The following SIPA1L3 variants were observed in gnomAD, a reference collection of about 807,000 sequenced individuals.
SIPA1L3 encodes signal induced proliferation associated 1 like 3.
A neutral mutation model predicts 150.1 loss-of-function variants in SIPA1L3; 59 were observed. The ratio of observed to expected loss-of-function variants is 0.39; its 90% CI spans 0.32 to 0.49. SIPA1L3 has a LOEUF of 0.49. Ranked by LOEUF, SIPA1L3 falls within the 20% of genes least tolerant of loss-of-function variation. SIPA1L3 has a pLI of 0.86. For synonymous variants in SIPA1L3, 1,070 were observed against 1,077.6 expected, an observed-to-expected ratio of 0.99 and a Z score of 0.14; for missense variants, 2,211 against 2,489.5, an observed-to-expected ratio of 0.89 and a Z score of 2.38.
At chr19:38,027,409 C>A (rs963049019) in intron 1 of SIPA1L3, among the ~76,000 whole-genome samples, 3 of 152,162 alleles carry the variant, frequency 2.0e-5, no homozygotes, top group African/African-American at 4.8e-5. Context: ...GGGGAATGAT[C>A]ATTGAAGTTG....
rs920914224 is a variant in SIPA1L3 at position 38,001,674 on chromosome 19, C to T, written c.-378-27415C>T. Among the ~76,000 whole-genome samples the T allele has an allele frequency of 7.9e-5, 12 of 152,186 alleles. No individual in the cohort carries two copies. The South Asian group carries it at 1.0e-3, about 13-fold the overall frequency. On this transcript the variant is annotated intron_variant, in intron 1 of 21. Transcript: ENST00000222345. The stretch of plus-strand genomic sequence containing the variant: ...ATTCCTGGGCTCAAAGCAATCCTGC[C>T]GCCTTGGCCTCCCCAAGTGCTGGGA...
At chr19:37,920,729 A>G (rs1483550547) in intron 1 of SIPA1L3, among the ~76,000 whole-genome samples, 2 of 152,010 alleles carry the variant, frequency 1.3e-5, no homozygotes. Context: ...TTTTGTCTCT[A>G]TTATATGAGC....
chr19:37,957,350 A>G (rs1284505699), intron 1 of SIPA1L3, among the ~76,000 whole-genome samples: 2 of 152,224 alleles, frequency 1.3e-5, no homozygotes, highest in African/African-American at 4.8e-5. Context: ...TGTTGACTCT[A>G]CATGTCAATA....
intron 2 of SIPA1L3, among the ~76,000 whole-genome samples, chr19:38,065,907 TTATTTATC>T (rs1599989071): frequency 8.4e-6 from 1 of 119,204 alleles, no homozygotes; most frequent in African/African-American, 3.5e-5. Flanking sequence ...GATCTCTTAT[TTATTTATC>T]TATTTATTTA....
chr19:38,129,280 T>C (rs1477312355), intron 9 of SIPA1L3, among the ~76,000 whole-genome samples: 1 of 152,026 alleles, frequency 6.6e-6, no homozygotes, highest in Non-Finnish European at 1.5e-5. Flanking sequence ...ATCAGCTCCA[T>C]GTTGGGGGAA....
Position 37,980,804 on chromosome 19 carries a change from C to T in SIPA1L3, c.-378-48285C>T, listed in dbSNP as rs1219995361. ...ACCAAGGAGAGGCCAAGAATGTCCTCGAGAGAGGGTTATTGGGGCTGGTTA... is the reference window on the plus strand; with the variant it reads ...ACCAAGGAGAGGCCAAGAATGTCCTTGAGAGAGGGTTATTGGGGCTGGTTA... On this transcript the variant is annotated intron_variant, in intron 1 of 21. Transcript: ENST00000222345. Among the ~76,000 whole-genome samples, 10 of 152,160 alleles carry T rather than the reference C, an allele frequency of 6.6e-5. No homozygotes were observed. In the South Asian group the frequency reaches 1.9e-3, roughly 28 times the overall value.
At chr19:38,010,315 G>A (rs1171495650) in intron 1 of SIPA1L3, among the ~76,000 whole-genome samples, 5 of 152,168 alleles carry the variant, frequency 3.3e-5, no homozygotes, top group Non-Finnish European at 5.9e-5. Context: ...GGCTGAAGTG[G>A]GAGGATCACT....
chr19:37,927,727 GGTGTGT>G (rs59246699), intron 1 of SIPA1L3, among the ~76,000 whole-genome samples: 12 of 139,524 alleles, frequency 8.6e-5, no homozygotes, highest in African/African-American at 2.4e-4. Context: ...AAGAACATGG[GGTGTGT>G]GTGTGTGTGT....
intron 3 of SIPA1L3, among the ~76,000 whole-genome samples, chr19:38,087,942 C>T (rs372759171): frequency 7.0e-4 from 106 of 152,160 alleles, no homozygotes; most frequent in African/African-American, 2.3e-3. Flanking sequence ...GGAGTGAACC[C>T]GGGAGGTGGA....
Position 38,168,497 on chromosome 19 carries a change from A to G in SIPA1L3, c.4208+3591A>G, listed in dbSNP as rs565321162. Among the ~76,000 whole-genome samples, 129 of 151,104 alleles carry G rather than the reference A, an allele frequency of 8.5e-4. 3 individuals are homozygous for G. The South Asian group carries it at 0.024, about 29-fold the overall frequency. On this transcript the variant is annotated intron_variant, in intron 15 of 21. Coordinates refer to ENST00000222345, the MANE Select transcript of SIPA1L3 (RefSeq NM_015073.3). Reference sequence around the variant, plus strand: ...AAAAAATAAAAATAAAACACTGTGGAAAAAAAAACAAAAACCTGTGCCACG... The same window carrying G: ...AAAAAATAAAAATAAAACACTGTGGGAAAAAAAACAAAAACCTGTGCCACG...
intron 1 of SIPA1L3, among the ~76,000 whole-genome samples, chr19:37,922,810 A>G (rs985773765): frequency 6.6e-6 from 1 of 151,940 alleles, no homozygotes; most frequent in Non-Finnish European, 1.5e-5. Flanking sequence ...TTCAAGTGGA[A>G]GAGTCAATCA....
At chr19:38,028,855 G>A (rs1359033474) in intron 1 of SIPA1L3, among the ~76,000 whole-genome samples, 2 of 152,156 alleles carry the variant, frequency 1.3e-5, no homozygotes, top group East Asian at 3.9e-4. Context: ...ACCACGCCCG[G>A]CTAATTTTTT....
intron 1 of SIPA1L3, among the ~76,000 whole-genome samples, chr19:37,925,230 G>C (rs1217522106): frequency 1.3e-5 from 2 of 152,176 alleles, no homozygotes; most frequent in African/African-American, 4.8e-5. Flanking sequence ...CAGCTCCATG[G>C]TCGTCTTGTG....
chr19:37,974,899 C>T (rs758013116), intron 1 of SIPA1L3, among the ~76,000 whole-genome samples: 23 of 152,254 alleles, frequency 1.5e-4, no homozygotes, highest in Admixed American at 4.6e-4. Flanking sequence ...AATTTGTGGC[C>T]AGGTGTGGTG....
intron 10 of SIPA1L3, among the ~76,000 whole-genome samples, chr19:38,138,863 A>T (rs1246653434): frequency 7.4e-6 from 1 of 134,386 alleles, no homozygotes. Flanking sequence ...GCACCACTGC[A>T]CTCCAGCCTG....
chr19:38,175,658 C>T (rs1972420739), intron 15 of SIPA1L3, among the ~76,000 whole-genome samples: 1 of 152,168 alleles, frequency 6.6e-6, no homozygotes, highest in Non-Finnish European at 1.5e-5. Context: ...CTCCGCGGTT[C>T]CTCCTCAGGA....
intron 13 of SIPA1L3, among the ~76,000 whole-genome samples, chr19:38,153,940 AAAAAG>A (rs527245331): frequency 7.9e-4 from 121 of 152,236 alleles, no homozygotes; most frequent in South Asian, 1.2e-3. Context: ...TCTCAGAAAA[AAAAAG>A]AAAAGAGCCT....
intron 5 of SIPA1L3, among the ~76,000 whole-genome samples, chr19:38,100,620 C>T (rs1036625812): frequency 2.0e-5 from 3 of 152,210 alleles, no homozygotes; most frequent in African/African-American, 7.2e-5. Flanking sequence ...CCAGGGGGAT[C>T]CGGGATACCT....
chr19:37,977,531 C>T (rs1313732174), intron 1 of SIPA1L3, among the ~76,000 whole-genome samples: 4 of 152,080 alleles, frequency 2.6e-5, no homozygotes, highest in African/African-American at 7.2e-5. Flanking sequence ...AGCCATTGGC[C>T]CAGTTTGGAT....
Sources: gnomAD v4.1 joint callset for allele counts (sites outside exome capture counted in the v4.1 genomes callset) on GRCh38, gnomAD v4.1.1 for gene constraint, MANE v1.5 for transcripts, NCBI Gene and HGNC (gene_info 2026-07-23, HGNC 2026-07-21) for gene names.